CACNA1A: variants seen among roughly 807,000 people sequenced by gnomAD.
CACNA1A encodes the protein voltage-dependent P/Q-type calcium channel subunit alpha-1A.
In CACNA1A, 57 loss-of-function variants were observed where a neutral mutation model predicts 262.4. The observed-to-expected ratio is 0.22, with a 90% CI of 0.18 to 0.27. The LOEUF (loss-of-function observed/expected upper bound fraction) is 0.27. CACNA1A is among the 10% of genes least tolerant of loss of function. The pLI, the probability that CACNA1A is intolerant of heterozygous loss-of-function variation, is 1.00. For synonymous variants in CACNA1A, 1,431 were observed against 1,419.3 expected, an observed-to-expected ratio of 1.01 and a Z score of -0.18; for missense variants, 2,526 against 3,562.8, an observed-to-expected ratio of 0.71 and a Z score of 7.41.
intron 38 of CACNA1A, among the ~76,000 whole-genome samples, chr19:13,220,929 T>C (rs12461897): frequency 0.079 from 11,995 of 151,940 alleles, 576 homozygotes; most frequent in South Asian, 0.11. Context: ...CCCAACTTCC[T>C]TGTGCTCTCT....
At chr19:13,368,050 C>G (rs969115366) in intron 4 of CACNA1A, among the ~76,000 whole-genome samples, 4 of 152,076 alleles carry the variant, frequency 2.6e-5, no homozygotes, top group African/African-American at 9.7e-5. Flanking sequence ...CGTGGTGGCT[C>G]ACACCTGTAA....
chr19:13,417,145 C>T (rs1299869079), intron 3 of CACNA1A, among the ~76,000 whole-genome samples: 2 of 152,136 alleles, frequency 1.3e-5, no homozygotes, highest in Non-Finnish European at 2.9e-5. Flanking sequence ...AGGTGGCAGC[C>T]ACTCGTCCAG....
chr19:13,426,446 A>G (rs1324879172), intron 3 of CACNA1A, among the ~76,000 whole-genome samples: 1 of 152,128 alleles, frequency 6.6e-6, no homozygotes, highest in East Asian at 1.9e-4. Context: ...GTAGGGTGAG[A>G]GGCCAGGGAT....
chr19:13,302,969 C>T (rs2057818422), intron 17 of CACNA1A, among the ~76,000 whole-genome samples: 1 of 152,160 alleles, frequency 6.6e-6, no homozygotes, highest in Non-Finnish European at 1.5e-5. Context: ...TACATGTAAT[C>T]TTAACTTAAT....
At chr19:13,474,641 A>AC (rs1286131900) in intron 1 of CACNA1A, among the ~76,000 whole-genome samples, 2 of 151,976 alleles carry the variant, frequency 1.3e-5, no homozygotes, top group Non-Finnish European at 2.9e-5. Context: ...ATATGGTGAA[A>AC]CCCCGTCTCT....
chr19:13,208,660 ACCTTTG>A, intron 46 of CACNA1A, 90 bp downstream of exon 46: 1 of 1,387,670 alleles, frequency 7.2e-7, no homozygotes, highest in Non-Finnish European at 9.5e-7. Flanking sequence ...GGATCCGGGG[ACCTTTG>A]CCTAGAGTGG....
chr19:13,504,608 AG>A (rs928238834), intron 1 of CACNA1A, among the ~76,000 whole-genome samples: 36 of 152,164 alleles, frequency 2.4e-4, no homozygotes, highest in African/African-American at 8.2e-4. Context: ...CACATACAAA[AG>A]GGATAGGGGA....
At chr19:13,333,958 A>G in intron 8 of CACNA1A, 1 of 169,200 alleles carries the variant, frequency 5.9e-6, no homozygotes, top group Non-Finnish European at 1.3e-5. Context: ...ATGGCTGAAC[A>G]AATAAATATG....
chr19:13,360,684 G>A (rs1236032486), intron 5 of CACNA1A, among the ~76,000 whole-genome samples: 2 of 152,084 alleles, frequency 1.3e-5, no homozygotes, highest in African/African-American at 2.4e-5. Flanking sequence ...CACCATGTTG[G>A]CCAGGCTGGT....
chr19:13,219,244 G>A (rs1278001353), intron 38 of CACNA1A, among the ~76,000 whole-genome samples: 1 of 150,264 alleles, frequency 6.7e-6, no homozygotes. Context: ...GTTTCACCAT[G>A]TTGGTCAGGC....
chr19:13,471,106 A>T (rs189026448), intron 1 of CACNA1A, among the ~76,000 whole-genome samples: 24 of 152,272 alleles, frequency 1.6e-4, no homozygotes, highest in Non-Finnish European at 2.1e-4. Flanking sequence ...TTCTATTGCC[A>T]CATGACTTTC....
chr19:13,340,447 G>A (rs1238277125), intron 6 of CACNA1A, among the ~76,000 whole-genome samples: 1 of 118,354 alleles, frequency 8.4e-6, no homozygotes, highest in Admixed American at 1.0e-4. Flanking sequence ...TTTTTTTTGA[G>A]ATGGAGTCTC....
chr19:13,424,725 T>A (rs1302382177), intron 3 of CACNA1A, among the ~76,000 whole-genome samples: 1 of 152,140 alleles, frequency 6.6e-6, no homozygotes, highest in African/African-American at 2.4e-5. Flanking sequence ...TCCCTCCACC[T>A]TAGCCTCTCA....
At chr19:13,210,751 G>T in intron 43 of CACNA1A, 99 bp from the exon 44 acceptor site, 1 of 1,245,552 alleles carries the variant, frequency 8.0e-7, no homozygotes, top group Non-Finnish European at 1.2e-6. Flanking sequence ...GCATGGAGAA[G>T]AAGCCAAGGA....
chr19:13,277,095 C>T lies in CACNA1A; in HGVS notation c.3856G>A (p.Val1286Ile), dbSNP rs2057168994. Residue 1286 changes from valine (V) to isoleucine (I), a missense_variant, in exon 23 of 47, where the codon GTC becomes ATC. Transcript: ENST00000360228. ...TTGATCACCATCTCAAAGGTAAAGA[C>T]GCCTGTAAAAACGTAGTCAAAGTAT... ...LRYFDYVFTG[V>I]FTFEMVIKMI... 1.1e-5 allele frequency: 18 copies of T among 1,612,226 alleles called. No individual in the cohort carries two copies. The highest frequency in any genetic ancestry group is 1.4e-5 in the Non-Finnish European group (16 of 1,178,454).
At chr19:13,352,162 T>A (rs1043798739) in intron 6 of CACNA1A, among the ~76,000 whole-genome samples, 1 of 152,096 alleles carries the variant, frequency 6.6e-6, no homozygotes, top group Admixed American at 6.6e-5. Context: ...TCAAGCCAAT[T>A]TGGGAGGCTG....
rs969224785 is a variant in CACNA1A at position 13,212,915 on chromosome 19, C to T, written c.5941-175G>A. Among the ~76,000 whole-genome samples the T allele has an allele frequency of 3.9e-5, 6 of 152,036 alleles. No individual in the cohort carries two copies. Among genetic ancestry groups the T allele is most frequent in the Non-Finnish European group, 5.9e-5 (4 of 68,004 alleles). Reference sequence around the variant, plus strand: ...CAGAACTGGACCACTTCTCACTCCTCCACCCAAGTCATAGCCCCAGCCTGG... The same window carrying T: ...CAGAACTGGACCACTTCTCACTCCTTCACCCAAGTCATAGCCCCAGCCTGG... On this transcript the variant is annotated intron_variant, in intron 40 of 46. Transcript: ENST00000360228. The surrounding 1 kb of genome is among the most constrained non-coding windows in gnomAD (Gnocchi z 5.6).
chr19:13,457,840 CAA>C (rs1469668144), intron 1 of CACNA1A, among the ~76,000 whole-genome samples: 6 of 76,890 alleles, frequency 7.8e-5, no homozygotes, highest in African/African-American at 3.4e-4. Flanking sequence ...GCAACAAAAG[CAA>C]AACTCCGTTT....
At chr19:13,259,451 C>A in intron 27 of CACNA1A, 113 bp downstream of exon 27, 1 of 940,488 alleles carries the variant, frequency 1.1e-6, no homozygotes, top group Non-Finnish European at 1.5e-6. Context: ...GGATTACAGG[C>A]GTGAGCCACC....
Sources: gnomAD v4.1 joint callset for allele counts (sites outside exome capture counted in the v4.1 genomes callset) on GRCh38, gnomAD v4.1.1 for gene constraint, Gnocchi (gnomAD v3.1) non-coding constraint, MANE v1.5 for transcripts, NCBI Gene and HGNC (gene_info 2026-07-23, HGNC 2026-07-21) for gene names.